Variants in DTL observed in about 807,000 individuals in gnomAD.
DTL encodes denticleless E3 ubiquitin protein ligase adapter, also known as denticleless protein homolog.
In DTL, 46 loss-of-function variants were observed where a neutral mutation model predicts 87.0. That is an observed-to-expected ratio of 0.53 (90% CI 0.42 to 0.68). DTL has a LOEUF of 0.68. DTL is among the 30% of genes least tolerant of loss of function. The probability of loss-of-function intolerance (pLI) is 0.00; values close to 1 mark genes in which losing one functional copy is unlikely to be tolerated. For missense variants in DTL, 737 were observed against 869.4 expected (o/e 0.85, Z 1.91); for synonymous variants, 308 against 311.2 (o/e 0.99, Z 0.11).
intron 14 of DTL, 91 bp downstream of exon 14, chr1:212,101,175 T>TA (rs1553260795): frequency 6.3e-5 from 61 of 975,928 alleles, no homozygotes; most frequent in East Asian, 8.2e-5. Flanking sequence ...TTTTTTTTTT[T>TA]AAAGAAAGAA....
intron 5 of DTL, 106 bp downstream of exon 5, chr1:212,047,523 C>A: frequency 7.2e-7 from 1 of 1,393,642 alleles, no homozygotes; most frequent in Non-Finnish European, 9.9e-7. Context: ...TACTGCTTTA[C>A]CTACATAGAT....
chr1:212,083,013 T>C (rs1398912271), intron 13 of DTL, among the ~76,000 whole-genome samples: 2 of 152,136 alleles, frequency 1.3e-5, no homozygotes, highest in Admixed American at 6.5e-5. Context: ...GCAAAGAGGA[T>C]GATTATGACT....
chr1:212,051,601 T>C, intron 5 of DTL: 1 of 830,840 alleles, frequency 1.2e-6, no homozygotes, highest in Non-Finnish European at 2.0e-6. Flanking sequence ...TGTGCTTCTC[T>C]GGGTGGAGCA....
At chr1:212,092,534 TAA>T (rs1383532624) in intron 13 of DTL, among the ~76,000 whole-genome samples, 6 of 141,632 alleles carry the variant, frequency 4.2e-5, no homozygotes, top group African/African-American at 2.6e-5. Flanking sequence ...AGACTCCGTC[TAA>T]AAAAAAAAAA....
chr1:212,044,691 C>T lies in DTL; in HGVS notation c.210C>T (p.Ala70=), dbSNP rs201593465. 2.7e-5 allele frequency: 43 copies of T among 1,612,270 alleles called. No individual in the cohort carries two copies. The highest frequency in any genetic ancestry group is 3.6e-5 in the Non-Finnish European group (42 of 1,178,880). The change falls in exon 3 of 15, where the codon GCC becomes GCT. Residue 70 remains alanine (A), a synonymous_variant. Transcript: ENST00000366991. The part of the protein sequence containing the change: ...APNMEHVLAV[A]NEEGFVRLYN... ...ATATGGAACATGTACTAGCAGTTGCCAATGAAGAAGGCTTTGTTCGATTGT... is the reference window on the plus strand; with the variant it reads ...ATATGGAACATGTACTAGCAGTTGCTAATGAAGAAGGCTTTGTTCGATTGT...
chr1:212,061,262 AG>A (rs1654294448), intron 5 of DTL, among the ~76,000 whole-genome samples: 7 of 151,842 alleles, frequency 4.6e-5, no homozygotes, highest in Admixed American at 6.6e-5. Flanking sequence ...AAAAAAAAAA[AG>A]TAGGCAAAGA....
At chr1:212,046,735 ATGC>A (rs1384347282) in intron 3 of DTL, among the ~76,000 whole-genome samples, 2 of 152,206 alleles carry the variant, frequency 1.3e-5, no homozygotes, top group African/African-American at 4.8e-5. Flanking sequence ...ATTGTGAATA[ATGC>A]TGCAGTGAAC....
chr1:212,092,073 T>C (rs752799642), intron 13 of DTL, among the ~76,000 whole-genome samples: 1 of 152,214 alleles, frequency 6.6e-6, no homozygotes, highest in Non-Finnish European at 1.5e-5. Context: ...ACCCAAGTGG[T>C]GTACGCTGTA....
intron 3 of DTL, 140 bp from the exon 4 acceptor site, chr1:212,047,011 G>A (rs1417296809): frequency 5.7e-6 from 4 of 707,238 alleles, no homozygotes; most frequent in Non-Finnish European, 9.6e-6. Flanking sequence ...ATATCTCATT[G>A]TGGTTTTGAT....
intron 5 of DTL, among the ~76,000 whole-genome samples, chr1:212,054,415 A>C (rs944095241): frequency 2.4e-4 from 37 of 151,170 alleles, no homozygotes; most frequent in African/African-American, 8.6e-4. Flanking sequence ...CACAAAAAAA[A>C]AAAAAACACC....
intron 13 of DTL, among the ~76,000 whole-genome samples, chr1:212,089,768 C>A (rs1655230950): frequency 6.6e-6 from 1 of 152,230 alleles, no homozygotes; most frequent in Non-Finnish European, 1.5e-5. Flanking sequence ...TCCAACACAT[C>A]AATTTCATAC....
intron 1 of DTL, among the ~76,000 whole-genome samples, chr1:212,036,509 C>G (rs773336292): frequency 4.6e-5 from 7 of 152,130 alleles, no homozygotes; most frequent in African/African-American, 1.7e-4. Context: ...TAACCACATC[C>G]GCCAGAGATG....
At chr1:212,101,764 A>T (rs908791399) in intron 14 of DTL, among the ~76,000 whole-genome samples, 40 of 152,196 alleles carry the variant, frequency 2.6e-4, no homozygotes, top group African/African-American at 9.7e-4. Context: ...CTGACTTAAT[A>T]TTTAAATTAG....
At chr1:212,083,845 C>T (rs983572719) in intron 13 of DTL, among the ~76,000 whole-genome samples, 5 of 152,176 alleles carry the variant, frequency 3.3e-5, no homozygotes, top group African/African-American at 9.7e-5. Context: ...GTGGAATGCT[C>T]ACTTTCAATT....
intron 8 of DTL, among the ~76,000 whole-genome samples, chr1:212,067,841 T>C (rs1426429324): frequency 1.3e-5 from 2 of 152,230 alleles, no homozygotes; most frequent in Non-Finnish European, 2.9e-5. Flanking sequence ...TATGGAGATA[T>C]AACCACAGGG....
chr1:212,065,245 TA>T, intron 7 of DTL, among the ~76,000 whole-genome samples: 1 of 152,226 alleles, frequency 6.6e-6, no homozygotes, highest in East Asian at 1.9e-4. Flanking sequence ...GGAATTAAAA[TA>T]TATGTAGCCT....
At chr1:212,097,074 A>G (rs1052931291) in intron 13 of DTL, among the ~76,000 whole-genome samples, 5 of 152,210 alleles carry the variant, frequency 3.3e-5, no homozygotes, top group African/African-American at 1.2e-4. Flanking sequence ...GCGTTTGAAA[A>G]AGACTTTCAT....
In DTL at chr1:212,062,868, G is replaced by A. The variant is rs1171330274; in HGVS notation, c.461-16G>A. The A allele has an allele frequency of 6.2e-7, 1 of 1,609,798 alleles. No homozygotes were observed. On this transcript the variant is annotated splice_polypyrimidine_tract_variant and intron_variant, in intron 5 of 14. Transcript: ENST00000366991. ...GGTTTTGTTAACCTCTTAATAATCT[G>A]TTTATTTCCCCACAGCTGTATTCTG...
Position 212,057,799 on chromosome 1 carries a change from A to G in DTL, c.461-5085A>G, listed in dbSNP as rs544485371. 2.0e-5 allele frequency among the ~76,000 whole-genome samples: 3 copies of G among 152,306 alleles called. No homozygotes were observed. In the South Asian group the frequency reaches 6.2e-4, roughly 32 times the overall value. On this transcript the variant is annotated intron_variant, in intron 5 of 14. Coordinates refer to ENST00000366991, the MANE Select transcript of DTL (RefSeq NM_016448.4). ...TGAAAAGTACAGACTGGGCAAATAG[A>G]CAAATGTGACCTAATTATATGCTGC...
Sources: allele counts gnomAD v4.1 joint callset (sites outside exome capture counted in the v4.1 genomes callset), GRCh38; gene constraint gnomAD v4.1.1; transcripts MANE v1.5; gene names NCBI Gene and HGNC (gene_info 2026-07-23, HGNC 2026-07-21).